The following RAPGEF4 variants were observed in gnomAD, a reference collection of about 807,000 sequenced individuals.
RAPGEF4 encodes the protein RAP guanine-nucleotide-exchange factor (GEF) 4.
RAPGEF4 carries 66 observed loss-of-function variants against 147.9 expected under a neutral mutation model. The observed-to-expected ratio is 0.45, with a 90% CI of 0.37 to 0.55. RAPGEF4 has a LOEUF of 0.55. RAPGEF4 is among the 20% of genes least tolerant of loss of function. RAPGEF4 has a pLI of 0.00. For missense variants in RAPGEF4, 1,071 were observed against 1,257.3 expected (o/e 0.85, Z 2.24); for synonymous variants, 419 against 442.7 (o/e 0.95, Z 0.67).
intron 1 of RAPGEF4, among the ~76,000 whole-genome samples, chr2:172,780,485 G>C (rs1045582219): frequency 1.3e-5 from 2 of 152,174 alleles, no homozygotes; most frequent in African/African-American, 4.8e-5. Context: ...CATTTCCAGT[G>C]ATTAGCTTTT....
At chr2:172,891,194 TC>T (rs1697868781) in intron 4 of RAPGEF4, among the ~76,000 whole-genome samples, 1 of 152,168 alleles carries the variant, frequency 6.6e-6, no homozygotes, top group African/African-American at 2.4e-5. Context: ...CGCTGACCCT[TC>T]TGAACATGCG....
chr2:173,044,708 G>A (rs1024268407), intron 29 of RAPGEF4, among the ~76,000 whole-genome samples: 5 of 152,100 alleles, frequency 3.3e-5, no homozygotes, highest in Non-Finnish European at 7.4e-5. Context: ...GTGGCGACAG[G>A]GGGGTTCAAT....
chr2:172,759,904 A>C (rs976001036), intron 1 of RAPGEF4, among the ~76,000 whole-genome samples: 2 of 152,234 alleles, frequency 1.3e-5, no homozygotes, highest in Non-Finnish European at 2.9e-5. Context: ...AGACTCTAAA[A>C]GGCAGAGAGA....
chr2:172,907,211 G>A (rs1037451073), intron 4 of RAPGEF4, among the ~76,000 whole-genome samples: 1 of 152,178 alleles, frequency 6.6e-6, no homozygotes, highest in African/African-American at 2.4e-5. Flanking sequence ...GAAAATATTA[G>A]TATAGTCTGT....
chr2:173,019,103 C>G (rs1575532720), intron 22 of RAPGEF4, among the ~76,000 whole-genome samples: 1 of 152,136 alleles, frequency 6.6e-6, no homozygotes, highest in Admixed American at 6.5e-5. Context: ...GGCCTTGGAG[C>G]CCTGAAAAAT....
chr2:172,962,809 TA>T (rs1189267402), intron 8 of RAPGEF4, among the ~76,000 whole-genome samples: 1 of 152,156 alleles, frequency 6.6e-6, no homozygotes, highest in Non-Finnish European at 1.5e-5. Flanking sequence ...TGATATTAAC[TA>T]ACTACTATTT....
intron 1 of RAPGEF4, among the ~76,000 whole-genome samples, chr2:172,781,741 T>A (rs1684702926): frequency 6.6e-6 from 1 of 151,934 alleles, no homozygotes; most frequent in Non-Finnish European, 1.5e-5. Context: ...CCTACCTACC[T>A]ACACACACAC....
chr2:173,043,212 C>T (rs1479314247), intron 29 of RAPGEF4, among the ~76,000 whole-genome samples: 1 of 152,148 alleles, frequency 6.6e-6, no homozygotes, highest in Non-Finnish European at 1.5e-5. Flanking sequence ...TAACAAAGGT[C>T]CTATATTTGA....
chr2:172,915,259 G>T (rs1288675638), intron 4 of RAPGEF4, among the ~76,000 whole-genome samples: 1 of 152,192 alleles, frequency 6.6e-6, no homozygotes, highest in African/African-American at 2.4e-5. Flanking sequence ...GCAATGACAT[G>T]AATGAAACAA....
At chr2:172,820,096 G>A (rs1381625092) in intron 4 of RAPGEF4, among the ~76,000 whole-genome samples, 1 of 152,196 alleles carries the variant, frequency 6.6e-6, no homozygotes, top group Non-Finnish European at 1.5e-5. Context: ...GTGTTTGTAT[G>A]AGGATGATTT....
intron 14 of RAPGEF4, among the ~76,000 whole-genome samples, chr2:172,990,434 T>C (rs1692718469): frequency 6.6e-6 from 1 of 152,206 alleles, no homozygotes. Flanking sequence ...CTAAGGAAAC[T>C]AAATACACTT....
intron 6 of RAPGEF4, among the ~76,000 whole-genome samples, chr2:172,959,901 G>T (rs562973232): frequency 1.3e-5 from 2 of 152,230 alleles, no homozygotes; most frequent in South Asian, 2.1e-4. Flanking sequence ...ACCAGCCTGG[G>T]CAACATATCG....
chr2:173,005,932 A>G (rs1210867107), intron 17 of RAPGEF4, among the ~76,000 whole-genome samples: 1 of 151,650 alleles, frequency 6.6e-6, no homozygotes, highest in Non-Finnish European at 1.5e-5. Flanking sequence ...GCACTGATGT[A>G]ATGGACATTG....
chr2:172,804,050 C>T (rs937911064), intron 3 of RAPGEF4, among the ~76,000 whole-genome samples: 21 of 152,032 alleles, frequency 1.4e-4, no homozygotes, highest in African/African-American at 4.8e-4. Flanking sequence ...GTGGGAGTTA[C>T]AATTCAAGAT....
chr2:172,942,606 A>G (rs1015182644), intron 6 of RAPGEF4, among the ~76,000 whole-genome samples: 1 of 151,816 alleles, frequency 6.6e-6, no homozygotes, highest in Non-Finnish European at 1.5e-5. Context: ...GTAACCAAGT[A>G]ATTATAACTG....
At chr2:172,815,757 G>A (rs149873032) in intron 4 of RAPGEF4, among the ~76,000 whole-genome samples, 18 of 152,348 alleles carry the variant, frequency 1.2e-4, no homozygotes, top group African/African-American at 3.4e-4. Flanking sequence ...ATTGCTGAGA[G>A]AGGATGGTTT....
chr2:173,022,746 A>AT (rs1390634864), intron 23 of RAPGEF4, among the ~76,000 whole-genome samples: 2 of 152,246 alleles, frequency 1.3e-5, no homozygotes, highest in Admixed American at 1.3e-4. Flanking sequence ...TTAGTGTTCA[A>AT]TGTTAGCCTT....
intron 9 of RAPGEF4, 146 bp downstream of exon 9, chr2:172,965,829 C>T: frequency 2.0e-6 from 2 of 982,766 alleles, no homozygotes; most frequent in Non-Finnish European, 3.0e-6. Context: ...TTTAGCAATA[C>T]AAATGCAGCA....
At chr2:172,814,212 A>G in intron 3 of RAPGEF4, 67 bp from the exon 4 acceptor site, 1 of 1,524,616 alleles carries the variant, frequency 6.6e-7, no homozygotes. Context: ...TACTGCAGTT[A>G]AAGAAAAGAA....
Sources: gnomAD v4.1 joint callset for allele counts (sites outside exome capture counted in the v4.1 genomes callset) on GRCh38, gnomAD v4.1.1 for gene constraint, MANE v1.5 for transcripts, NCBI Gene and HGNC (gene_info 2026-07-23, HGNC 2026-07-21) for gene names.